Variants in PTK2 observed in about 807,000 individuals in gnomAD.
PTK2 encodes protein tyrosine kinase 2.
PTK2 carries 45 observed loss-of-function variants against 150.1 expected under a neutral mutation model. The ratio of observed to expected loss-of-function variants is 0.30; its 90% CI spans 0.24 to 0.38. The LOEUF is 0.38. Among genes scored for constraint, PTK2 ranks in the 10% least tolerant of loss-of-function variants. The pLI, the probability that PTK2 is intolerant of heterozygous loss-of-function variation, is 1.00. For missense variants in PTK2, 919 were observed against 1,307.3 expected (o/e 0.70, Z 4.58); for synonymous variants, 432 against 449.2 (o/e 0.96, Z 0.48).
intron 22 of PTK2, chr8:140,734,956 G>C: frequency 2.2e-6 from 1 of 459,382 alleles, no homozygotes; most frequent in Non-Finnish European, 4.0e-6. Context: ...TGAGATTAGT[G>C]AGGAAAGCCG....
At chr8:140,663,163 T>TC (rs1286681820) in intron 31 of PTK2, 5 of 161,020 alleles carry the variant, frequency 3.1e-5, no homozygotes, top group African/African-American at 1.2e-4. Flanking sequence ...TAAATGGAAA[T>TC]CTTAAAGGGG....
chr8:140,848,521 T>C (rs10087782), intron 5 of PTK2, among the ~76,000 whole-genome samples: 65,738 of 152,020 alleles, frequency 0.43, 15,676 homozygotes, highest in Non-Finnish European at 0.55. Context: ...TTTCCATATA[T>C]ATTTTCCCTC....
At chr8:140,868,679 A>G (rs2100140803) in intron 4 of PTK2, among the ~76,000 whole-genome samples, 1 of 152,188 alleles carries the variant, frequency 6.6e-6, no homozygotes, top group African/African-American at 2.4e-5. Context: ...GTTTTGCCAA[A>G]AACGCAAAAC....
intron 22 of PTK2, among the ~76,000 whole-genome samples, chr8:140,733,358 G>C (rs927418340): frequency 6.6e-6 from 1 of 152,192 alleles, no homozygotes; most frequent in Non-Finnish European, 1.5e-5. Context: ...ACAGACAGAG[G>C]TAAGCAGCAA....
intron 20 of PTK2, among the ~76,000 whole-genome samples, chr8:140,741,249 A>G (rs1202205310): frequency 6.6e-6 from 1 of 151,990 alleles, no homozygotes; most frequent in African/African-American, 2.4e-5. Context: ...CAGGAGATTG[A>G]GACCATCCTG....
At chr8:140,875,968 T>G (rs933549549) in intron 4 of PTK2, among the ~76,000 whole-genome samples, 1 of 152,258 alleles carries the variant, frequency 6.6e-6, no homozygotes, top group African/African-American at 2.4e-5. Flanking sequence ...TTGGTGATAA[T>G]AGCTTGTATT....
intron 2 of PTK2, among the ~76,000 whole-genome samples, chr8:140,924,386 G>A (rs1051493839): frequency 6.6e-6 from 1 of 152,102 alleles, no homozygotes; most frequent in African/African-American, 2.4e-5. Context: ...TCAACATTCA[G>A]TTTATTGTTT....
Position 140,717,008 on chromosome 8 carries a change from G to C in PTK2, c.2142+590C>G, listed in dbSNP as rs566578715. 4.6e-5 allele frequency among the ~76,000 whole-genome samples: 7 copies of C among 152,274 alleles called. No homozygotes were observed. The South Asian group carries it at 1.0e-3, about 23-fold the overall frequency. The stretch of plus-strand genomic sequence containing the variant: ...GGCTGACCTCTCCGAGGCAGGAGAG[G>C]GCACCAGTAAAGGATAAGAACATAA... On this transcript the variant is annotated intron_variant, in intron 23 of 31. Coordinates refer to ENST00000522684, the Ensembl canonical transcript of PTK2.
In PTK2 at chr8:140,717,713, G is replaced by C; in HGVS notation, c.2031-4C>G. 2 of 1,611,950 alleles carry C rather than the reference G, an allele frequency of 1.2e-6. No homozygotes were observed. The highest frequency in any genetic ancestry group is 1.7e-6 in the Non-Finnish European group (2 of 1,178,102). The stretch of plus-strand genomic sequence containing the variant: ...CTTCTCTTCCTCCAGGATTGTGCTA[G>C]AGAGACAACACATTGTCTTAGGGGA... On this transcript the variant is annotated splice_polypyrimidine_tract_variant and splice_region_variant and intron_variant, in intron 22 of 31. Transcript: ENST00000522684.
At chr8:140,867,156 G>A (rs2154606187) in intron 4 of PTK2, among the ~76,000 whole-genome samples, 1 of 152,244 alleles carries the variant, frequency 6.6e-6, no homozygotes, top group African/African-American at 2.4e-5. Flanking sequence ...GAGAAAGCAA[G>A]TCAATGGCAT....
intron 1 of PTK2, chr8:140,940,777 G>GACCA (rs1209641946): frequency 6.6e-6 from 1 of 152,254 alleles, no homozygotes; most frequent in Non-Finnish European, 1.5e-5. Context: ...AGGAGTTCAA[G>GACCA]ACCAGCCTGG....
chr8:140,876,961 G>GT (rs2100145884), intron 4 of PTK2, among the ~76,000 whole-genome samples: 1 of 144,678 alleles, frequency 6.9e-6, no homozygotes, highest in African/African-American at 2.6e-5. Flanking sequence ...TACCTCATCA[G>GT]TTTATCTGTC....
At chr8:140,919,748 G>A (rs1433324031) in intron 2 of PTK2, among the ~76,000 whole-genome samples, 1 of 152,096 alleles carries the variant, frequency 6.6e-6, no homozygotes, top group Non-Finnish European at 1.5e-5. Context: ...TAAAATCCAA[G>A]AGTGTAAATT....
chr8:140,879,673 A>AT, intron 3 of PTK2, 36 bp from the exon 4 acceptor site: 2 of 340,946 alleles, frequency 5.9e-6, no homozygotes, highest in Non-Finnish European at 9.6e-6. Context: ...ACTGTTATAA[A>AT]CTGAAAAAAA....
rs140366787 is a variant in PTK2 at position 140,788,344 on chromosome 8, CTT to C, written c.1177+1128_1177+1129del. ...TGTACAAATACAAGCAAAAATACTT[CTT>C]GAGTAAGGGCTTATGGGACATTTGT... On this transcript the variant is annotated intron_variant, in intron 14 of 31. Transcript: ENST00000522684. Among the ~76,000 whole-genome samples, 4 of 152,242 alleles carry C rather than the reference CTT, an allele frequency of 2.6e-5. No individual in the cohort carries two copies. In the East Asian group the frequency reaches 7.7e-4, roughly 29 times the overall value.
At chr8:140,884,183 G>A (rs1166494814) in intron 3 of PTK2, among the ~76,000 whole-genome samples, 2 of 152,174 alleles carry the variant, frequency 1.3e-5, no homozygotes, top group East Asian at 1.9e-4. Flanking sequence ...GGATTAGGAT[G>A]TAGGCATCTT....
chr8:140,973,520 A>C (rs2100188167), intron 1 of PTK2, among the ~76,000 whole-genome samples: 3 of 152,332 alleles, frequency 2.0e-5, no homozygotes, highest in South Asian at 4.1e-4. Context: ...AAAGCAGCAG[A>C]AAAGTTTGCT....
At chr8:140,700,925 T>C (rs1270650346) in exon 26 of PTK2, 2 of 1,613,914 alleles carry the variant, frequency 1.2e-6, no homozygotes, top group African/African-American at 2.7e-5. Context: ...CCAGCGCTGA[T>C]CTTCTTCCAT....
intron 1 of PTK2, among the ~76,000 whole-genome samples, chr8:140,998,857 C>A (rs530631856): frequency 6.6e-6 from 1 of 151,136 alleles, no homozygotes; most frequent in African/African-American, 2.4e-5. Flanking sequence ...TAGACAATTT[C>A]TCCAACTCCC....
Sources: gnomAD v4.1 joint callset for allele counts (sites outside exome capture counted in the v4.1 genomes callset) on GRCh38, gnomAD v4.1.1 for gene constraint, MANE v1.5 for transcripts, NCBI Gene and HGNC (gene_info 2026-07-23, HGNC 2026-07-21) for gene names.